The following TENM2 variants were observed in gnomAD, a reference collection of about 807,000 sequenced individuals.
TENM2 encodes teneurin-2.
TENM2 carries 52 observed loss-of-function variants against 245.2 expected under a neutral mutation model. The ratio of observed to expected loss-of-function variants is 0.21; its 90% confidence interval spans 0.17 to 0.27. The LOEUF is 0.27. Among genes scored for constraint, TENM2 ranks in the 10% least tolerant of loss-of-function variants. TENM2 has a pLI of 1.00. For missense variants in TENM2, 3,046 were observed against 3,666.8 expected (o/e 0.83, Z 4.37); for synonymous variants, 1,363 against 1,438.9 (o/e 0.95, Z 1.19).
At chr5:168,156,365 G>GTCATCT (rs1353632997) in intron 12 of TENM2, among the ~76,000 whole-genome samples, 2 of 148,874 alleles carry the variant, frequency 1.3e-5, no homozygotes, top group Non-Finnish European at 3.0e-5. Flanking sequence ...GGCTTTCACT[G>GTCATCT]TCATCTGTCT....
the TENM2 span, among the ~76,000 whole-genome samples, chr5:167,117,715 A>G: frequency 6.6e-6 from 1 of 152,080 alleles, no homozygotes; most frequent in Non-Finnish European, 1.5e-5. Flanking sequence ...CAGCATTATT[A>G]CCATTGTAAG....
Position 168,096,083 on chromosome 5 carries a change from A to C in TENM2, c.1712-1943A>C, listed in dbSNP as rs533205128. Among the ~76,000 whole-genome samples the C allele has an allele frequency of 6.6e-5, 10 of 152,342 alleles. No individual in the cohort carries two copies. The South Asian group carries it at 8.3e-4, about 13-fold the overall frequency. On this transcript the variant is annotated intron_variant, in intron 8 of 28. Transcript: ENST00000518659. ...TCCAGAGGGAGATATTGTCTTTACT[A>C]TACTGGGTAATAAGTAAACCTGCCC...
chr5:167,242,002 G>GT, the TENM2 span, among the ~76,000 whole-genome samples: 30 of 145,162 alleles, frequency 2.1e-4, no homozygotes, highest in African/African-American at 3.6e-4. Context: ...TGCTTTGCTT[G>GT]TTTTTTTTGT....
the TENM2 span, among the ~76,000 whole-genome samples, chr5:167,031,490 T>C: frequency 6.6e-6 from 1 of 152,232 alleles, no homozygotes; most frequent in Non-Finnish European, 1.5e-5. Flanking sequence ...ATTACAATTA[T>C]AACAAGAGCA....
At chr5:167,704,840 C>T (rs945914020) in intron 2 of TENM2, among the ~76,000 whole-genome samples, 2 of 152,268 alleles carry the variant, frequency 1.3e-5, no homozygotes, top group Admixed American at 6.5e-5. Flanking sequence ...GTCTTCGAGG[C>T]TTTTCTCTAG....
At chr5:167,982,990 G>A (rs1391596464) in intron 4 of TENM2, among the ~76,000 whole-genome samples, 1 of 152,084 alleles carries the variant, frequency 6.6e-6, no homozygotes, top group Non-Finnish European at 1.5e-5. Context: ...CTACCTGCCG[G>A]TGAACACAAA....
chr5:167,368,280 T>A (rs1760186479), intron 1 of TENM2, among the ~76,000 whole-genome samples: 3 of 152,212 alleles, frequency 2.0e-5, no homozygotes, highest in Admixed American at 2.0e-4. Context: ...ACTATTTGAA[T>A]GATGCATATT....
At chr5:167,775,859 G>A (rs1763728850) in intron 2 of TENM2, among the ~76,000 whole-genome samples, 1 of 152,138 alleles carries the variant, frequency 6.6e-6, no homozygotes, top group African/African-American at 2.4e-5. Context: ...GCAAAATTAT[G>A]TTTAAATGAA....
chr5:167,771,816 A>G lies in TENM2; in HGVS notation c.503-104170A>G, dbSNP rs571282234. Among the ~76,000 whole-genome samples the G allele has an allele frequency of 1.3e-3, 196 of 152,352 alleles. 1 individual carries two copies. Among genetic ancestry groups the G allele is most frequent in the South Asian group, 7.0e-3 (34 of 4,826 alleles). On this transcript the variant is annotated intron_variant, in intron 2 of 28. Transcript: ENST00000518659. ...TTAAGGATTGATTCATTCTAAACTC[A>G]GAGCCAAAAACTCATCTTAAAGCTG...
chr5:167,852,568 T>C (rs576640661), intron 2 of TENM2, among the ~76,000 whole-genome samples: 11 of 152,350 alleles, frequency 7.2e-5, no homozygotes, highest in Non-Finnish European at 1.3e-4. Flanking sequence ...AAGAATTTAG[T>C]AGTTTTAACA....
At chr5:167,713,034 G>A (rs1759011295) in intron 2 of TENM2, among the ~76,000 whole-genome samples, 2 of 152,196 alleles carry the variant, frequency 1.3e-5, no homozygotes, top group Non-Finnish European at 2.9e-5. Flanking sequence ...CTTTATGTAT[G>A]TATGAACATC....
intron 2 of TENM2, among the ~76,000 whole-genome samples, chr5:167,792,280 G>A (rs1765029643): frequency 6.6e-6 from 1 of 151,946 alleles, no homozygotes; most frequent in Non-Finnish European, 1.5e-5. Context: ...TGGCCATGAT[G>A]TTGTCATTAC....
chr5:167,610,487 T>C (rs993949926), intron 2 of TENM2, among the ~76,000 whole-genome samples: 1 of 152,120 alleles, frequency 6.6e-6, no homozygotes, highest in African/African-American at 2.4e-5. Context: ...GGCCCCCTAT[T>C]CATCTCATTA....
At chr5:167,023,163 T>C in the TENM2 span, among the ~76,000 whole-genome samples, 1 of 152,206 alleles carries the variant, frequency 6.6e-6, no homozygotes, top group African/African-American at 2.4e-5. Context: ...ATGCTAACGT[T>C]CTGCTCTACT....
intron 2 of TENM2, among the ~76,000 whole-genome samples, chr5:167,677,193 T>A (rs1756388984): frequency 6.6e-6 from 1 of 152,218 alleles, no homozygotes; most frequent in African/African-American, 2.4e-5. Flanking sequence ...TAACCTGAAA[T>A]GATTCCCTAA....
At chr5:167,930,173 A>C (rs1424114116) in intron 3 of TENM2, among the ~76,000 whole-genome samples, 1 of 152,244 alleles carries the variant, frequency 6.6e-6, no homozygotes, top group Non-Finnish European at 1.5e-5. Flanking sequence ...AGTTTGGCCT[A>C]TCTCAGATAG....
intron 2 of TENM2, among the ~76,000 whole-genome samples, chr5:167,485,340 G>GA (rs1475320103): frequency 7.9e-5 from 12 of 152,134 alleles, no homozygotes; most frequent in African/African-American, 2.9e-4. Flanking sequence ...AAGCAGTAAG[G>GA]AAAAAACCAC....
the TENM2 span, among the ~76,000 whole-genome samples, chr5:167,158,848 CT>C: frequency 3.9e-3 from 272 of 69,186 alleles, 3 homozygotes; most frequent in African/African-American, 0.014. Flanking sequence ...CATAGCAGCC[CT>C]TCCTTCCTTC....
chr5:167,196,456 A>G, the TENM2 span, among the ~76,000 whole-genome samples: 1,215 of 149,596 alleles, frequency 8.1e-3, 6 homozygotes, highest in Non-Finnish European at 0.013. Flanking sequence ...ATATGTGTGT[A>G]TATATATATG....
Sources: gnomAD v4.1 joint callset for allele counts (sites outside exome capture counted in the v4.1 genomes callset) on GRCh38, gnomAD v4.1.1 for gene constraint, MANE v1.5 for transcripts, NCBI Gene and HGNC (gene_info 2026-07-23, HGNC 2026-07-21) for gene names.